ARL15: variants seen among roughly 807,000 people sequenced by gnomAD.
ARL15 encodes the protein ADP-ribosylation factor-like protein 15.
A neutral mutation model predicts 25.2 loss-of-function variants in ARL15; 19 were observed. The observed-to-expected ratio is 0.75, with a 90% CI of 0.53 to 1.10. The LOEUF (loss-of-function observed/expected upper bound fraction) is 1.10. Among genes scored for constraint, ARL15 ranks in the 50% least tolerant of loss-of-function variants. The pLI, the probability that ARL15 is intolerant of heterozygous loss-of-function variation, is 0.00. For synonymous variants in ARL15, 94 were observed against 86.8 expected (o/e 1.08, Z -0.46); for missense variants, 220 against 246.0 (o/e 0.89, Z 0.71).
At chr5:53,919,559 A>G (rs949005062) in intron 4 of ARL15, among the ~76,000 whole-genome samples, 1 of 152,144 alleles carries the variant, frequency 6.6e-6, no homozygotes, top group Non-Finnish European at 1.5e-5. Context: ...ACAAAACAGG[A>G]TGGGAAAGGA....
At chr5:54,155,706 A>ACACACG (rs1554044095) in intron 2 of ARL15, among the ~76,000 whole-genome samples, 5 of 145,856 alleles carry the variant, frequency 3.4e-5, no homozygotes, top group Admixed American at 2.1e-4. Context: ...ACACACACGC[A>ACACACG]CACACACACA....
At chr5:54,122,240 T>C (rs948965576) in intron 3 of ARL15, among the ~76,000 whole-genome samples, 1 of 152,258 alleles carries the variant, frequency 6.6e-6, no homozygotes, top group Non-Finnish European at 1.5e-5. Flanking sequence ...CTAGATTTCT[T>C]CCCTTGACTA....
chr5:54,134,843 A>G (rs1753554802), intron 3 of ARL15, among the ~76,000 whole-genome samples: 4 of 152,054 alleles, frequency 2.6e-5, no homozygotes, highest in African/African-American at 9.7e-5. Flanking sequence ...TCGGCCTCCC[A>G]AAGTGCTGGG....
chr5:54,057,478 C>T (rs1057069812), intron 4 of ARL15, among the ~76,000 whole-genome samples: 1 of 152,094 alleles, frequency 6.6e-6, no homozygotes, highest in African/African-American at 2.4e-5. Flanking sequence ...AGTGTTTGTC[C>T]ATTCACTAAA....
chr5:54,082,810 T>C (rs1751845329), intron 4 of ARL15, among the ~76,000 whole-genome samples: 1 of 152,178 alleles, frequency 6.6e-6, no homozygotes, highest in Non-Finnish European at 1.5e-5. Flanking sequence ...AAATCACCTT[T>C]TGATTATATG....
At chr5:54,229,405 G>A (rs986527432) in intron 1 of ARL15, among the ~76,000 whole-genome samples, 1 of 152,046 alleles carries the variant, frequency 6.6e-6, no homozygotes. Context: ...GAAATCCTTC[G>A]GGTACCTGCA....
At chr5:54,096,136 T>C (rs1752280367) in intron 4 of ARL15, among the ~76,000 whole-genome samples, 1 of 152,220 alleles carries the variant, frequency 6.6e-6, no homozygotes, top group South Asian at 2.1e-4. Context: ...TGATACAATG[T>C]ATGTGAAACA....
intron 4 of ARL15, among the ~76,000 whole-genome samples, chr5:54,092,124 C>T (rs1579790500): frequency 6.6e-6 from 1 of 151,664 alleles, no homozygotes; most frequent in East Asian, 1.9e-4. Flanking sequence ...ACGTTCGTTC[C>T]GGAATGTTTA....
intron 4 of ARL15, chr5:54,048,377 A>G (rs986439773): frequency 1.6e-5 from 2 of 123,924 alleles, no homozygotes; most frequent in African/African-American, 7.1e-5. Context: ...ATATTTATAA[A>G]TTATATATAT....
chr5:54,159,171 G>A (rs983012262), intron 2 of ARL15, among the ~76,000 whole-genome samples: 3 of 152,084 alleles, frequency 2.0e-5, no homozygotes, highest in Non-Finnish European at 4.4e-5. Flanking sequence ...GGGTTTTCAG[G>A]TCTATATGCC....
In ARL15 at chr5:54,076,272, T is replaced by A. The variant is rs113817701; in HGVS notation, c.462+36930A>T. 2.3e-3 allele frequency among the ~76,000 whole-genome samples: 341 copies of A among 147,770 alleles called. 1 individual carries two copies. The highest frequency in any genetic ancestry group is 8.0e-3 in the African/African-American group (329 of 40,956). ...TCTACTAAAAACATGAAAAAAAAAATTAGCTGTGCATGGTGGCAGGCGCCT... is the reference window on the plus strand; with the variant it reads ...TCTACTAAAAACATGAAAAAAAAAAATAGCTGTGCATGGTGGCAGGCGCCT... On this transcript the variant is annotated intron_variant, in intron 4 of 4. Coordinates refer to ENST00000504924, the MANE Select transcript of ARL15 (RefSeq NM_019087.3).
chr5:54,272,086 G>A (rs945509442), intron 1 of ARL15, among the ~76,000 whole-genome samples: 1 of 142,694 alleles, frequency 7.0e-6, no homozygotes, highest in Non-Finnish European at 1.5e-5. Context: ...TAGGCCTATA[G>A]GTGTGTGCCA....
chr5:53,886,485 A>G lies in ARL15; in HGVS notation c.*76T>C, dbSNP rs912440965. ...ATACTGAAGCCAATATAGTCTTGATACCAAAATAAAATTAAAATGAGAAAC... is the reference window on the plus strand; with the variant it reads ...ATACTGAAGCCAATATAGTCTTGATGCCAAAATAAAATTAAAATGAGAAAC... On this transcript the variant is annotated 3_prime_UTR_variant, in exon 5 of 5. Coordinates refer to ENST00000504924, the MANE Select transcript of ARL15 (RefSeq NM_019087.3). 5 of 1,474,196 alleles carry G rather than the reference A, an allele frequency of 3.4e-6. No homozygotes were observed. In the Admixed American group the frequency reaches 1.3e-4, roughly 39 times the overall value. The allele number at this position is 1,474,196 out of a possible 1,614,324, so 91.3% of individuals were successfully genotyped here.
rs1265275624 is a variant in ARL15, at chr5:54,130,922, G to A, written c.254-17512C>T. On this transcript the variant is annotated intron_variant, in intron 3 of 4. Transcript: ENST00000504924. ...GATGCGTATGTATGTGTGGAGGGGAGAAAATGGGCAGAACACAAAACAGCT... is the reference window on the plus strand; with the variant it reads ...GATGCGTATGTATGTGTGGAGGGGAAAAAATGGGCAGAACACAAAACAGCT... 3.3e-5 allele frequency among the ~76,000 whole-genome samples: 5 copies of A among 152,264 alleles called. No homozygotes were observed. The East Asian group carries it at 9.6e-4, about 29-fold the overall frequency.
intron 4 of ARL15, among the ~76,000 whole-genome samples, chr5:54,070,805 G>A (rs751223678): frequency 7.2e-5 from 11 of 151,884 alleles, no homozygotes; most frequent in Admixed American, 2.0e-4. Context: ...AGATCACAGA[G>A]CCACTGCAAT....
Position 53,886,407 on chromosome 5 carries a change from GAA to G in ARL15, c.*152_*153del. On this transcript the variant is annotated 3_prime_UTR_variant, in exon 5 of 5. Transcript: ENST00000504924. ...CCGATGATAATTCATCTGATCTACA[GAA>G]TATTCACTTTAATAGAGAGATGAGA... 1 of 765,418 alleles carries G rather than the reference GAA, an allele frequency of 1.3e-6. No individual in the cohort carries two copies. The highest frequency in any genetic ancestry group is 2.0e-5 in the South Asian group (1 of 48,906). 47.4% of individuals were successfully genotyped at this position (765,418 alleles called of 1,614,324 possible). A position where few individuals can be genotyped will look rare whatever the true frequency, so the allele number is the denominator to read the frequency against.
intron 3 of ARL15, among the ~76,000 whole-genome samples, chr5:54,153,088 T>C (rs1754117182): frequency 6.6e-6 from 1 of 152,222 alleles, no homozygotes; most frequent in African/African-American, 2.4e-5. Context: ...ATAAAATACT[T>C]AGTAACAGCC....
chr5:54,087,986 A>G (rs1207289018), intron 4 of ARL15, among the ~76,000 whole-genome samples: 1 of 152,162 alleles, frequency 6.6e-6, no homozygotes, highest in Non-Finnish European at 1.5e-5. Context: ...GGCTCCAAAT[A>G]TTAATAAGCA....
chr5:54,156,445 AAT>A (rs1165555813), intron 2 of ARL15, among the ~76,000 whole-genome samples: 1 of 152,226 alleles, frequency 6.6e-6, no homozygotes, highest in Non-Finnish European at 1.5e-5. Context: ...ATAAGCATAT[AAT>A]ATACGATTGC....
Sources: gnomAD v4.1 joint callset for allele counts (sites outside exome capture counted in the v4.1 genomes callset) on GRCh38, gnomAD v4.1.1 for gene constraint, MANE v1.5 for transcripts, NCBI Gene and HGNC (gene_info 2026-07-23, HGNC 2026-07-21) for gene names.